OPCML: variants seen among roughly 807,000 people sequenced by gnomAD.
OPCML encodes opioid binding protein/cell adhesion molecule like, also known as opioid-binding protein/cell adhesion molecule.
Under a neutral mutation model 37.8 loss-of-function variants are expected in OPCML, and 13 were observed. The ratio of observed to expected loss-of-function variants is 0.34; its 90% confidence interval spans 0.22 to 0.55. The LOEUF is 0.55. Among genes scored for constraint, OPCML ranks in the 20% least tolerant of loss-of-function variants. The pLI is 0.91. For synonymous variants in OPCML, 176 were observed against 168.8 expected, an observed-to-expected ratio of 1.04 and a Z score of -0.33; for missense variants, 341 against 435.6, an observed-to-expected ratio of 0.78 and a Z score of 1.93.
intron 2 of OPCML, among the ~76,000 whole-genome samples, chr11:132,779,864 C>T (rs1226169685): frequency 6.6e-6 from 1 of 152,088 alleles, no homozygotes; most frequent in African/African-American, 2.4e-5. Context: ...CCAAACAGAC[C>T]GAAACTGTTC....
chr11:133,250,569 G>C (rs1941098474), intron 1 of OPCML, among the ~76,000 whole-genome samples: 1 of 151,264 alleles, frequency 6.6e-6, no homozygotes, highest in Non-Finnish European at 1.5e-5. Flanking sequence ...GGGAGGGAAG[G>C]AAGGAAGAAA....
intron 1 of OPCML, among the ~76,000 whole-genome samples, chr11:133,459,762 T>C (rs1591525834): frequency 1.3e-5 from 2 of 152,112 alleles, no homozygotes; most frequent in South Asian, 4.1e-4. Context: ...AATAGATAAC[T>C]CTAAAATAGT....
chr11:133,224,242 C>A (rs1024474226), intron 1 of OPCML, among the ~76,000 whole-genome samples: 1 of 152,162 alleles, frequency 6.6e-6, no homozygotes, highest in Non-Finnish European at 1.5e-5. Flanking sequence ...AGGGGTCACT[C>A]AGCTGTGTCC....
intron 1 of OPCML, among the ~76,000 whole-genome samples, chr11:133,259,697 G>A (rs1017007061): frequency 3.3e-5 from 5 of 152,188 alleles, no homozygotes; most frequent in African/African-American, 1.2e-4. Flanking sequence ...TAGAATTACA[G>A]TAAAAAATAG....
chr11:132,470,404 C>G (rs1306671190), intron 4 of OPCML, among the ~76,000 whole-genome samples: 3 of 151,930 alleles, frequency 2.0e-5, no homozygotes, highest in African/African-American at 7.3e-5. Flanking sequence ...AGATGGATAG[C>G]CGTGTCAGTC....
At chr11:133,269,703 A>T (rs183949251) in intron 1 of OPCML, among the ~76,000 whole-genome samples, 1,738 of 152,300 alleles carry the variant, frequency 0.011, 33 homozygotes, top group African/African-American at 0.038. Flanking sequence ...TTCATTCCAG[A>T]AATGGACAAT....
At chr11:133,325,852 A>C (rs1943436619) in intron 1 of OPCML, among the ~76,000 whole-genome samples, 1 of 152,168 alleles carries the variant, frequency 6.6e-6, no homozygotes, top group Non-Finnish European at 1.5e-5. Flanking sequence ...TCTTTCCTGC[A>C]ATGCGGCCCT....
In OPCML at chr11:133,323,620, C is replaced by T. The variant is rs7945569; in HGVS notation, c.61+208644G>A. Among the ~76,000 whole-genome samples, 597 of 152,302 alleles carry T rather than the reference C, an allele frequency of 3.9e-3. 6 individuals carry two copies. Among genetic ancestry groups the T allele is most frequent in the African/African-American group, 0.012 (490 of 41,552 alleles). On this transcript the variant is annotated intron_variant, in intron 1 of 7. Transcript: ENST00000524381. ...CTGGAGCTAAAGGCAACTGACAGAA[C>T]TGACCCATCTCCAAGTGGGCTGAGG...
At chr11:133,368,177 G>A (rs186381225) in intron 1 of OPCML, among the ~76,000 whole-genome samples, 304 of 151,470 alleles carry the variant, frequency 2.0e-3, no homozygotes, top group African/African-American at 6.9e-3. Context: ...ATGTGAAAGC[G>A]AAAGGGAGGG....
intron 1 of OPCML, 90 bp downstream of exon 1, chr11:133,532,174 T>C (rs575427518): frequency 1.9e-6 from 3 of 1,551,730 alleles, no homozygotes; most frequent in East Asian, 2.4e-5. Flanking sequence ...CACCCCTTCC[T>C]CCTTGCCTCT....
chr11:132,968,251 G>T (rs1160983600), intron 1 of OPCML, among the ~76,000 whole-genome samples: 11 of 152,152 alleles, frequency 7.2e-5, no homozygotes, highest in Admixed American at 7.2e-4. Flanking sequence ...CTGTTTTTCT[G>T]TTGCTATAAT....
At chr11:132,996,620 A>G (rs1207002907) in intron 1 of OPCML, among the ~76,000 whole-genome samples, 1 of 22,236 alleles carries the variant, frequency 4.5e-5, no homozygotes. Context: ...CTCCATCTCA[A>G]AAAAAAAAAA....
At chr11:132,465,737 C>A (rs2096117621) in intron 4 of OPCML, among the ~76,000 whole-genome samples, 1 of 152,098 alleles carries the variant, frequency 6.6e-6, no homozygotes, top group Admixed American at 6.5e-5. Context: ...CACTTTGAGT[C>A]TTAATTACAA....
intron 2 of OPCML, among the ~76,000 whole-genome samples, chr11:132,699,214 A>G (rs1247387013): frequency 6.6e-6 from 1 of 152,082 alleles, no homozygotes; most frequent in Non-Finnish European, 1.5e-5. Context: ...TTTATCCAGT[A>G]ACTTTACTGA....
At chr11:133,176,871 G>T (rs113362986) in intron 1 of OPCML, among the ~76,000 whole-genome samples, 2,056 of 152,302 alleles carry the variant, frequency 0.013, 16 homozygotes, top group Non-Finnish European at 0.02. Flanking sequence ...TAAATCGCCT[G>T]CAAGAACTCT....
At chr11:132,700,617 T>C (rs1165113850) in intron 2 of OPCML, among the ~76,000 whole-genome samples, 1 of 152,214 alleles carries the variant, frequency 6.6e-6, no homozygotes, top group Non-Finnish European at 1.5e-5. Flanking sequence ...TATCAATCTC[T>C]AGTTTTGCAC....
At chr11:132,781,764 C>T (rs1441544958) in intron 2 of OPCML, among the ~76,000 whole-genome samples, 3 of 151,406 alleles carry the variant, frequency 2.0e-5, no homozygotes, top group Admixed American at 6.6e-5. Flanking sequence ...GCATTTGAGA[C>T]ACCTCTTTGA....
chr11:132,622,531 C>T (rs4936173), intron 3 of OPCML, among the ~76,000 whole-genome samples: 116,672 of 152,092 alleles, frequency 0.77, 45,043 homozygotes, highest in African/African-American at 0.84. Flanking sequence ...AGGAAATTGA[C>T]GTTTTCACGC....
chr11:132,740,078 G>T (rs977170903), intron 2 of OPCML, among the ~76,000 whole-genome samples: 3 of 152,216 alleles, frequency 2.0e-5, no homozygotes, highest in South Asian at 4.1e-4. Flanking sequence ...TGTGCATATT[G>T]CTTAGAAGAG....
Sources: gnomAD v4.1 joint callset for allele counts (sites outside exome capture counted in the v4.1 genomes callset) on GRCh38, gnomAD v4.1.1 for gene constraint, MANE v1.5 for transcripts, NCBI Gene and HGNC (gene_info 2026-07-23, HGNC 2026-07-21) for gene names.